SLC10A7: variants seen among roughly 807,000 people sequenced by gnomAD.
SLC10A7 encodes the protein solute carrier family 10 member 7.
SLC10A7 carries 29 observed loss-of-function variants against 43.2 expected under a neutral mutation model. The observed-to-expected ratio is 0.67, with a 90% CI of 0.50 to 0.92. The LOEUF (loss-of-function observed/expected upper bound fraction) is 0.92. Among genes scored for constraint, SLC10A7 ranks in the 40% least tolerant of loss-of-function variants. The pLI is 0.00. For missense variants in SLC10A7, 295 were observed against 403.2 expected (o/e 0.73, Z 2.30); for synonymous variants, 152 against 144.8 (o/e 1.05, Z -0.35).
chr4:146,474,499 G>A (rs1733866650), intron 4 of SLC10A7, among the ~76,000 whole-genome samples: 1 of 151,972 alleles, frequency 6.6e-6, no homozygotes, highest in African/African-American at 2.4e-5. Flanking sequence ...CCTTAAAGAG[G>A]TACATTTCCA....
At chr4:146,265,911 G>A (rs1353477302) in intron 10 of SLC10A7, among the ~76,000 whole-genome samples, 1 of 152,186 alleles carries the variant, frequency 6.6e-6, no homozygotes, top group African/African-American at 2.4e-5. Context: ...GCAAGAAAAT[G>A]TATTGAAAAA....
chr4:146,310,260 T>C (rs1731873033), intron 6 of SLC10A7, among the ~76,000 whole-genome samples: 1 of 152,152 alleles, frequency 6.6e-6, no homozygotes, highest in African/African-American at 2.4e-5. Context: ...TCTTTGCTAT[T>C]TTGAATAGTG....
chr4:146,406,602 C>T (rs760643816), intron 5 of SLC10A7, among the ~76,000 whole-genome samples: 34 of 152,130 alleles, frequency 2.2e-4, no homozygotes, highest in Admixed American at 6.5e-4. Context: ...TAAGGATTTG[C>T]CAGAACATTC....
At chr4:146,326,413 C>T (rs1056138120) in intron 5 of SLC10A7, among the ~76,000 whole-genome samples, 4 of 152,152 alleles carry the variant, frequency 2.6e-5, no homozygotes, top group African/African-American at 7.2e-5. Flanking sequence ...GCAAAGACCA[C>T]GTCAGTTGTG....
At chr4:146,478,336 T>C (rs1734203417) in intron 4 of SLC10A7, 1 of 152,198 alleles carries the variant, frequency 6.6e-6, no homozygotes, top group African/African-American at 2.4e-5. Context: ...TATTAGCAGA[T>C]TTCTTTTTGA....
chr4:146,271,072 C>G (rs557779938), intron 10 of SLC10A7, among the ~76,000 whole-genome samples: 7 of 152,286 alleles, frequency 4.6e-5, no homozygotes, highest in Admixed American at 1.3e-4. Context: ...TCTCTGTCCT[C>G]TGGAGAATCT....
chr4:146,414,950 G>T (rs1230334264), intron 5 of SLC10A7, among the ~76,000 whole-genome samples: 1 of 151,910 alleles, frequency 6.6e-6, no homozygotes, highest in Non-Finnish European at 1.5e-5. Context: ...GAACTGTTGA[G>T]AAAACAACAG....
chr4:146,358,220 G>A (rs942565364), intron 5 of SLC10A7, among the ~76,000 whole-genome samples: 25 of 152,036 alleles, frequency 1.6e-4, no homozygotes, highest in South Asian at 2.1e-4. Context: ...GGACAAAATA[G>A]TGCTACAAGA....
At chr4:146,387,976 T>C (rs180829883) in intron 5 of SLC10A7, among the ~76,000 whole-genome samples, 1 of 152,284 alleles carries the variant, frequency 6.6e-6, no homozygotes, top group East Asian at 1.9e-4. Context: ...GAAGTATCAA[T>C]ATTGATAAAA....
At chr4:146,357,160 T>C (rs1335589118) in intron 5 of SLC10A7, among the ~76,000 whole-genome samples, 1 of 152,200 alleles carries the variant, frequency 6.6e-6, no homozygotes, top group Non-Finnish European at 1.5e-5. Context: ...CGTATGTATG[T>C]GCATGTGTAC....
At chr4:146,263,403 A>G (rs1728356609) in intron 10 of SLC10A7, among the ~76,000 whole-genome samples, 1 of 152,196 alleles carries the variant, frequency 6.6e-6, no homozygotes, top group Admixed American at 6.5e-5. Context: ...TGTTGAATGA[A>G]TGAACTTGTA....
At chr4:146,261,330 G>A (rs1000546126) in intron 10 of SLC10A7, among the ~76,000 whole-genome samples, 4 of 152,182 alleles carry the variant, frequency 2.6e-5, no homozygotes, top group Non-Finnish European at 4.4e-5. Context: ...CAGCACCAGC[G>A]GGGCAGTGCC....
intron 4 of SLC10A7, among the ~76,000 whole-genome samples, chr4:146,444,417 CAT>C (rs1429625870): frequency 2.6e-5 from 4 of 152,098 alleles, no homozygotes; most frequent in Non-Finnish European, 5.9e-5. Flanking sequence ...TTTGAGGAAA[CAT>C]AGAATCATTC....
At chr4:146,470,281 G>A (rs2149961381) in intron 4 of SLC10A7, among the ~76,000 whole-genome samples, 1 of 152,082 alleles carries the variant, frequency 6.6e-6, no homozygotes, top group African/African-American at 2.4e-5. Context: ...TTTAAAGAAT[G>A]TTCTCAGTGA....
At chr4:146,342,541 T>C (rs568611188) in intron 5 of SLC10A7, among the ~76,000 whole-genome samples, 1 of 151,888 alleles carries the variant, frequency 6.6e-6, no homozygotes, top group South Asian at 2.1e-4. Context: ...ATATGTGAAT[T>C]AGAAATACTA....
intron 5 of SLC10A7, among the ~76,000 whole-genome samples, chr4:146,422,461 GAAGTA>G (rs1729030754): frequency 6.6e-6 from 1 of 152,032 alleles, no homozygotes; most frequent in Non-Finnish European, 1.5e-5. Flanking sequence ...TTTTTCAACA[GAAGTA>G]AAGATTAATA....
chr4:146,343,435 C>T (rs995079342), intron 5 of SLC10A7, among the ~76,000 whole-genome samples: 5 of 152,066 alleles, frequency 3.3e-5, no homozygotes, highest in Non-Finnish European at 7.4e-5. Context: ...TGTTCCTAAC[C>T]ATTTATCTAT....
intron 6 of SLC10A7, among the ~76,000 whole-genome samples, chr4:146,322,949 G>A (rs1262066008): frequency 6.6e-6 from 1 of 152,104 alleles, no homozygotes; most frequent in East Asian, 1.9e-4. Flanking sequence ...TTGTGGTTTT[G>A]ATTTGCATTT....
intron 5 of SLC10A7, among the ~76,000 whole-genome samples, chr4:146,361,796 G>C (rs917212351): frequency 5.3e-5 from 8 of 152,092 alleles, no homozygotes; most frequent in Admixed American, 5.2e-4. Context: ...CTCAGACATG[G>C]AATTTAAAAC....
Sources: allele counts gnomAD v4.1 joint callset (sites outside exome capture counted in the v4.1 genomes callset), GRCh38; gene constraint gnomAD v4.1.1; transcripts MANE v1.5; gene names NCBI Gene and HGNC (gene_info 2026-07-23, HGNC 2026-07-21).